NTM: variants seen among roughly 807,000 people sequenced by gnomAD.
NTM encodes the protein neurotrimin.
A neutral mutation model predicts 42.1 loss-of-function variants in NTM; 13 were observed. That is an observed-to-expected ratio of 0.31 (90% confidence interval 0.20 to 0.49). NTM has a LOEUF of 0.49. NTM is among the 20% of genes least tolerant of loss of function. The pLI, the probability that NTM is intolerant of heterozygous loss-of-function variation, is 0.99. For missense variants in NTM, 373 were observed against 452.8 expected (o/e 0.82, Z 1.60); for synonymous variants, 187 against 179.2 (o/e 1.04, Z -0.35).
At chr11:131,553,377 G>A (rs1035535468) in intron 1 of NTM, among the ~76,000 whole-genome samples, 3 of 152,190 alleles carry the variant, frequency 2.0e-5, no homozygotes, top group African/African-American at 7.2e-5. Flanking sequence ...TCCAGAGCAC[G>A]AGATGTGTGC....
intron 1 of NTM, among the ~76,000 whole-genome samples, chr11:131,744,348 C>T (rs2081539966): frequency 6.6e-6 from 1 of 152,158 alleles, no homozygotes; most frequent in Admixed American, 6.5e-5. Flanking sequence ...TCTGCAAATA[C>T]ATGTTTTTCC....
intron 1 of NTM, among the ~76,000 whole-genome samples, chr11:131,435,650 T>G (rs530967990): frequency 1.3e-5 from 2 of 152,366 alleles, no homozygotes; most frequent in South Asian, 2.1e-4. Flanking sequence ...TCCTGAGATT[T>G]TGCTGAAGTT....
intron 4 of NTM, among the ~76,000 whole-genome samples, chr11:132,238,318 A>G (rs543364409): frequency 6.6e-6 from 1 of 152,176 alleles, no homozygotes; most frequent in African/African-American, 2.4e-5. Context: ...GAGGCAGGAG[A>G]AGGAAGCAGG....
At chr11:132,188,790 G>A (rs1201848596) in intron 3 of NTM, among the ~76,000 whole-genome samples, 2 of 152,112 alleles carry the variant, frequency 1.3e-5, no homozygotes, top group East Asian at 3.9e-4. Context: ...TAAAATAAAG[G>A]CAAGTGCATT....
intron 4 of NTM, among the ~76,000 whole-genome samples, chr11:132,299,989 C>T (rs1454644015): frequency 2.0e-5 from 3 of 152,000 alleles, no homozygotes; most frequent in African/African-American, 7.2e-5. Flanking sequence ...TTTAAGCTCT[C>T]AGCAGTTCTT....
At chr11:132,245,412 A>T (rs986488576) in intron 4 of NTM, among the ~76,000 whole-genome samples, 2 of 152,034 alleles carry the variant, frequency 1.3e-5, no homozygotes, top group Admixed American at 1.3e-4. Flanking sequence ...GTGAGGAGGG[A>T]GGGGATTGCA....
At chr11:132,287,358 G>A (rs759735248) in intron 4 of NTM, among the ~76,000 whole-genome samples, 14 of 152,230 alleles carry the variant, frequency 9.2e-5, no homozygotes, top group East Asian at 1.9e-4. Context: ...CTCAGGACCC[G>A]GATGTTCTGT....
chr11:132,137,890 C>T (rs577321547), intron 2 of NTM, among the ~76,000 whole-genome samples: 2 of 152,316 alleles, frequency 1.3e-5, no homozygotes, highest in African/African-American at 2.4e-5. Context: ...GGTGGACTTG[C>T]GGACACACAG....
intron 3 of NTM, among the ~76,000 whole-genome samples, chr11:132,203,843 G>T (rs1411723638): frequency 6.6e-6 from 1 of 152,072 alleles, no homozygotes; most frequent in African/African-American, 2.4e-5. Context: ...AGCTTGCAGT[G>T]AGCCTAGATC....
At chr11:132,109,641 C>T (rs1380423546) in intron 2 of NTM, among the ~76,000 whole-genome samples, 1 of 151,736 alleles carries the variant, frequency 6.6e-6, no homozygotes. Flanking sequence ...TTTCCCCTCA[C>T]CTCCATGTCC....
At position 131,370,647 on chromosome 11, in the gene NTM, A is replaced by G; in HGVS notation, c.-160A>G. On this transcript the variant is annotated 5_prime_UTR_variant, in exon 1 of 9. Coordinates refer to ENST00000683400, the MANE Select transcript of NTM (RefSeq NM_001352005.2). The stretch of plus-strand genomic sequence containing the variant: ...GAGTGGAGATAATTACGGAGAAGTC[A>G]TACTCTCTCACACCCTCGGCTTTCT... 1.6e-6 allele frequency: 1 copy of G among 627,058 alleles called. No homozygotes were observed. The highest frequency in any genetic ancestry group is 2.8e-6 in the Non-Finnish European group (1 of 360,472). The allele number at this position is 627,058 out of a possible 1,614,324, so 38.8% of individuals were successfully genotyped here.
chr11:131,926,630 T>C (rs1390386342), intron 2 of NTM, among the ~76,000 whole-genome samples: 1 of 152,126 alleles, frequency 6.6e-6, no homozygotes, highest in East Asian at 1.9e-4. Flanking sequence ...GATTAAGCTG[T>C]GAATGATGAT....
intron 4 of NTM, among the ~76,000 whole-genome samples, chr11:132,258,260 G>C (rs116186218): frequency 6.6e-6 from 1 of 152,218 alleles, no homozygotes; most frequent in Non-Finnish European, 1.5e-5. Context: ...CCTCATCTCA[G>C]TTGTTAATCA....
intron 3 of NTM, among the ~76,000 whole-genome samples, chr11:132,171,698 G>A (rs1035153940): frequency 2.6e-5 from 4 of 152,018 alleles, no homozygotes; most frequent in African/African-American, 7.3e-5. Flanking sequence ...CACTATTTCT[G>A]CATATTCAAT....
chr11:132,170,433 C>G (rs1350887631), intron 3 of NTM, among the ~76,000 whole-genome samples: 1 of 152,148 alleles, frequency 6.6e-6, no homozygotes, highest in Non-Finnish European at 1.5e-5. Context: ...TAGAAAAGCT[C>G]TATTAGATCC....
At chr11:131,786,883 G>A (rs77748034) in intron 1 of NTM, among the ~76,000 whole-genome samples, 1,563 of 152,300 alleles carry the variant, frequency 0.01, 28 homozygotes, top group African/African-American at 0.036. Context: ...AGTTTAATGA[G>A]CACTGAAAAT....
intron 1 of NTM, among the ~76,000 whole-genome samples, chr11:131,861,999 G>A (rs757448991): frequency 1.2e-4 from 18 of 152,270 alleles, no homozygotes; most frequent in Non-Finnish European, 1.5e-4. Flanking sequence ...CTGACTCTTC[G>A]TTGGCTGCTC....
chr11:132,236,152 G>T (rs1309855560), intron 4 of NTM, among the ~76,000 whole-genome samples: 1 of 152,118 alleles, frequency 6.6e-6, no homozygotes, highest in Non-Finnish European at 1.5e-5. Context: ...CAACTTTTCT[G>T]GAGCATTTAT....
intron 1 of NTM, among the ~76,000 whole-genome samples, chr11:131,787,350 A>T (rs2089400866): frequency 1.5e-5 from 1 of 68,394 alleles, no homozygotes; most frequent in Non-Finnish European, 2.9e-5. Context: ...TTAACATAAT[A>T]CAAGATTATT....
Sources: allele counts gnomAD v4.1 joint callset (sites outside exome capture counted in the v4.1 genomes callset), GRCh38; gene constraint gnomAD v4.1.1; transcripts MANE v1.5; gene names NCBI Gene and HGNC (gene_info 2026-07-23, HGNC 2026-07-21).